ATXN1: variants seen among roughly 807,000 people sequenced by gnomAD.
The protein encoded by ATXN1 is ataxin-1.
ATXN1 carries 8 observed loss-of-function variants against 56.4 expected under a neutral mutation model. The observed-to-expected ratio is 0.14, with a 90% CI of 0.08 to 0.26. The LOEUF is 0.26. Ranked by LOEUF, ATXN1 falls within the 10% of genes least tolerant of loss-of-function variation. ATXN1 has a pLI of 1.00. For missense variants in ATXN1, 987 were observed against 1,106.5 expected, an observed-to-expected ratio of 0.89 and a Z score of 1.53; for synonymous variants, 514 against 494.6, an observed-to-expected ratio of 1.04 and a Z score of -0.52.
At chr6:16,730,483 G>GTATATATATATATATATATATATATATA (rs1283942311) in intron 2 of ATXN1, among the ~76,000 whole-genome samples, 5 of 74,522 alleles carry the variant, frequency 6.7e-5, no homozygotes, top group African/African-American at 1.9e-4. Flanking sequence ...GGGTAAAACA[G>GTATATATATATATATATATATATATATA]TATGTATATA....
At chr6:16,465,573 C>T (rs1426404352) in intron 6 of ATXN1, among the ~76,000 whole-genome samples, 3 of 151,994 alleles carry the variant, frequency 2.0e-5, no homozygotes, top group African/African-American at 7.2e-5. Flanking sequence ...TAGGAGGATG[C>T]AATGATTCAG....
chr6:16,462,135 T>C (rs770108894), intron 6 of ATXN1, among the ~76,000 whole-genome samples: 16 of 152,186 alleles, frequency 1.1e-4, no homozygotes, highest in Non-Finnish European at 2.9e-5. Context: ...TTACTGTTGG[T>C]CAAGTCCCTC....
At chr6:16,747,216 C>A (rs568638040) in intron 2 of ATXN1, among the ~76,000 whole-genome samples, 1 of 152,128 alleles carries the variant, frequency 6.6e-6, no homozygotes, top group African/African-American at 2.4e-5. Context: ...GCACGCTGCT[C>A]GGTGTTTAAT....
At chr6:16,569,939 T>C (rs968398885) in intron 4 of ATXN1, among the ~76,000 whole-genome samples, 2 of 152,188 alleles carry the variant, frequency 1.3e-5, no homozygotes, top group African/African-American at 4.8e-5. Context: ...AGGGAATGTC[T>C]GAGCCTTGCG....
chr6:16,647,815 C>A (rs1033114256), intron 3 of ATXN1, among the ~76,000 whole-genome samples: 3 of 152,218 alleles, frequency 2.0e-5, no homozygotes, highest in African/African-American at 7.2e-5. Context: ...GTGGCTCACG[C>A]CTGTAATCCC....
In ATXN1 at chr6:16,327,862, G is replaced by A. The variant is rs1214383911; in HGVS notation, c.449C>T (p.Pro150Leu). 1 of 1,607,258 alleles carries A rather than the reference G, an allele frequency of 6.2e-7. No homozygotes were observed. Among genetic ancestry groups the A allele is most frequent in the Non-Finnish European group, 8.5e-7 (1 of 1,179,872 alleles). The part of the protein sequence containing the change: ...ASFIPSQLIP[P>L]TANPVTSAVA... ...TGCACTGGTGACGGGGTTGGCGGTT[G>A]GGGGGATCAGCTGTGATGGGATGAA... The change falls in exon 7 of 8, where the codon CCA becomes CTA. Residue 150 changes from proline (P) to leucine (L), a missense_variant. Physicochemically the swap from Pro to Leu is moderately conservative, Grantham distance 98. Transcript: ENST00000436367.
intron 5 of ATXN1, among the ~76,000 whole-genome samples, chr6:16,500,738 T>TAAAAAAAAAAAAAAAAAAAAA (rs1167731131): frequency 1.2e-5 from 1 of 84,618 alleles, no homozygotes; most frequent in East Asian, 3.4e-4. Flanking sequence ...TTCATTATGA[T>TAAAAAAAAAAAAAAAAAAAAA]AAAAAAAAAA....
chr6:16,486,128 A>G lies in ATXN1; in HGVS notation c.-298-19T>C, dbSNP rs1378361050. On this transcript the variant is annotated intron_variant, in intron 5 of 7. Transcript: ENST00000436367. ...GAAATACCTAGCATGGAAATAGAAC[A>G]GAAGAAAAAGAAAAAGGTAAACACA... 1 of 152,240 alleles carries G rather than the reference A, an allele frequency of 6.6e-6. No homozygotes were observed. Among genetic ancestry groups the G allele is most frequent in the Non-Finnish European group, 1.5e-5 (1 of 68,050 alleles). 9.4% of individuals were successfully genotyped at this position (152,240 alleles called of 1,614,324 possible). A position where few individuals can be genotyped will look rare whatever the true frequency, so the allele number is the denominator to read the frequency against.
chr6:16,724,504 A>G (rs1203683940), intron 2 of ATXN1, among the ~76,000 whole-genome samples: 1 of 152,148 alleles, frequency 6.6e-6, no homozygotes, highest in African/African-American at 2.4e-5. Context: ...CTAAATATAC[A>G]ACCAGGGCAA....
intron 7 of ATXN1, among the ~76,000 whole-genome samples, chr6:16,318,883 A>G (rs1322641803): frequency 1.3e-5 from 2 of 152,172 alleles, no homozygotes; most frequent in African/African-American, 4.8e-5. Context: ...TTAGGCACAC[A>G]GGTTCTAGCT....
At chr6:16,709,302 A>C (rs1360331386) in intron 2 of ATXN1, among the ~76,000 whole-genome samples, 2 of 152,056 alleles carry the variant, frequency 1.3e-5, no homozygotes, top group African/African-American at 4.8e-5. Context: ...TATGTCAATA[A>C]ATCTCACAAC....
chr6:16,700,726 G>C (rs1759264246), intron 2 of ATXN1, among the ~76,000 whole-genome samples: 1 of 152,134 alleles, frequency 6.6e-6, no homozygotes, highest in Non-Finnish European at 1.5e-5. Context: ...GGGAATTGAG[G>C]AGCTAGGTAG....
intron 7 of ATXN1, among the ~76,000 whole-genome samples, chr6:16,308,322 T>TCACACA (rs35291830): frequency 0.017 from 2,261 of 132,678 alleles, 44 homozygotes; most frequent in East Asian, 0.087. Context: ...TGAAACTCCG[T>TCACACA]CACACACACA....
chr6:16,713,929 G>A (rs768483270), intron 2 of ATXN1, among the ~76,000 whole-genome samples: 6 of 152,116 alleles, frequency 3.9e-5, no homozygotes, highest in East Asian at 1.9e-4. Flanking sequence ...AGGCCAAAGC[G>A]GGTGGATCAC....
intron 6 of ATXN1, among the ~76,000 whole-genome samples, chr6:16,332,815 A>G (rs936439941): frequency 6.6e-6 from 1 of 152,200 alleles, no homozygotes; most frequent in South Asian, 2.1e-4. Context: ...AATTTAGCCC[A>G]GTGGTATAAG....
rs113816822 is a variant in ATXN1 at position 16,721,060 on chromosome 6, G to A, written c.-615+32173C>T. ...CACCCAGAGGATAACCAGCTCCCCC[G>A]TTCCAAATTATTCCTGCTCTGCATA... is the stretch of plus-strand genomic sequence containing the variant. On this transcript the variant is annotated intron_variant, in intron 2 of 7. Coordinates refer to ENST00000436367, the MANE Select transcript of ATXN1 (RefSeq NM_001128164.2). Among the ~76,000 whole-genome samples the A allele has an allele frequency of 9.7e-3, 1,483 of 152,262 alleles. 26 individuals carry two copies. The highest frequency in any genetic ancestry group is 0.031 in the African/African-American group (1,290 of 41,538).
chr6:16,573,704 T>C (rs931171099), intron 4 of ATXN1, among the ~76,000 whole-genome samples: 2 of 152,298 alleles, frequency 1.3e-5, no homozygotes, highest in African/African-American at 2.4e-5. Flanking sequence ...TCTCCAGCAA[T>C]GCACATATAA....
At chr6:16,561,955 T>C (rs191867886) in intron 4 of ATXN1, among the ~76,000 whole-genome samples, 2 of 152,216 alleles carry the variant, frequency 1.3e-5, no homozygotes, top group Non-Finnish European at 2.9e-5. Context: ...AAAGTGGTTA[T>C]ACACACTTAG....
At position 16,480,499 on chromosome 6, in the gene ATXN1, G is replaced by A. The variant is rs1176784631; in HGVS notation, c.-161+5473C>T. On this transcript the variant is annotated intron_variant, in intron 6 of 7. Coordinates refer to ENST00000436367, the MANE Select transcript of ATXN1 (RefSeq NM_001128164.2). ...CGTCCCTTTCGGTACACCTGACTCC[G>A]CCACCAAGTACATCCTTCCCATAGC... 3.9e-5 allele frequency among the ~76,000 whole-genome samples: 6 copies of A among 151,938 alleles called. No individual in the cohort carries two copies. In the East Asian group the frequency reaches 1.2e-3, roughly 29 times the overall value.
Sources: gnomAD v4.1 joint callset for allele counts (sites outside exome capture counted in the v4.1 genomes callset) on GRCh38, gnomAD v4.1.1 for gene constraint, MANE v1.5 for transcripts, NCBI Gene and HGNC (gene_info 2026-07-23, HGNC 2026-07-21) for gene names.